DLC1: variants seen among roughly 807,000 people sequenced by gnomAD.
DLC1 encodes the protein rho GTPase-activating protein 7.
Under a neutral mutation model 140.3 loss-of-function variants are expected in DLC1, and 54 were observed. That is an observed-to-expected ratio of 0.38 (90% confidence interval 0.31 to 0.48). DLC1 has a LOEUF of 0.48. Among genes scored for constraint, DLC1 ranks in the 20% least tolerant of loss-of-function variants. The pLI is 0.96. For missense variants in DLC1, 2,536 were observed against 1,907.0 expected (o/e 1.33, Z -6.14); for synonymous variants, 986 against 728.1 (o/e 1.35, Z -5.70).
At chr8:13,390,091 A>C (rs1836683871) in intron 4 of DLC1, among the ~76,000 whole-genome samples, 1 of 152,176 alleles carries the variant, frequency 6.6e-6, no homozygotes, top group Non-Finnish European at 1.5e-5. Context: ...AATCTCTCAT[A>C]GACAAAATTC....
At chr8:13,096,900 A>G (rs1386212170) in intron 10 of DLC1, among the ~76,000 whole-genome samples, 1 of 152,204 alleles carries the variant, frequency 6.6e-6, no homozygotes, top group African/African-American at 2.4e-5. Flanking sequence ...TACTGAAAAG[A>G]CTTAAGGATT....
Position 13,221,422 on chromosome 8 carries a change from G to A in DLC1, c.1348+83847C>T, listed in dbSNP as rs2117157342. The stretch of plus-strand genomic sequence containing the variant: ...GCCTTGCTCTGTCACCCAGGCTGGA[G>A]TGCAGTGGTGCAATCTCAGCTCACT... On this transcript the variant is annotated intron_variant, in intron 5 of 17. Transcript: ENST00000276297. Among the ~76,000 whole-genome samples the A allele has an allele frequency of 1.3e-5, 2 of 150,928 alleles. 1 individual carries two copies. The highest frequency in any genetic ancestry group is 4.2e-4 in the South Asian group (2 of 4,774).
chr8:13,403,562 C>T (rs951939760), intron 2 of DLC1, among the ~76,000 whole-genome samples: 1 of 152,230 alleles, frequency 6.6e-6, no homozygotes, highest in Middle Eastern at 3.4e-3. Flanking sequence ...TAACGGAGGC[C>T]TCTGTCAAGA....
intron 4 of DLC1, among the ~76,000 whole-genome samples, chr8:13,314,437 C>G (rs887767358): frequency 4.6e-5 from 7 of 151,522 alleles, no homozygotes; most frequent in Non-Finnish European, 8.8e-5. Flanking sequence ...AGCTAAGAAA[C>G]AAAACAACAT....
intron 4 of DLC1, among the ~76,000 whole-genome samples, chr8:13,316,620 A>T (rs564149831): frequency 4.6e-5 from 7 of 152,172 alleles, no homozygotes; most frequent in Non-Finnish European, 8.8e-5. Context: ...AGGTTGGATT[A>T]TCTAATCCTC....
intron 1 of DLC1, among the ~76,000 whole-genome samples, chr8:13,602,470 A>G (rs900806790): frequency 2.6e-5 from 4 of 151,818 alleles, no homozygotes; most frequent in East Asian, 3.9e-4. Context: ...TTGGAGATGT[A>G]TACAATATCG....
At chr8:13,284,246 G>T (rs1277681601) in intron 5 of DLC1, among the ~76,000 whole-genome samples, 1 of 152,222 alleles carries the variant, frequency 6.6e-6, no homozygotes, top group Non-Finnish European at 1.5e-5. Flanking sequence ...TAAGATAACG[G>T]CCTGGCGCGG....
chr8:13,200,731 A>T (rs1485928249), intron 5 of DLC1, among the ~76,000 whole-genome samples: 4 of 151,988 alleles, frequency 2.6e-5, no homozygotes, highest in Non-Finnish European at 1.5e-5. Flanking sequence ...CAGCCTCCTG[A>T]GTAGGTGGGA....
chr8:13,582,565 T>G (rs763602159), intron 1 of DLC1, among the ~76,000 whole-genome samples: 15 of 152,086 alleles, frequency 9.9e-5, no homozygotes, highest in Non-Finnish European at 2.2e-4. Flanking sequence ...TTCCTACCCT[T>G]GAACATCAGA....
At chr8:13,189,125 A>T (rs567745629) in intron 5 of DLC1, among the ~76,000 whole-genome samples, 18 of 152,088 alleles carry the variant, frequency 1.2e-4, no homozygotes, top group African/African-American at 3.9e-4. Flanking sequence ...GTTTTTCATG[A>T]TAAAATAATT....
intron 7 of DLC1, among the ~76,000 whole-genome samples, chr8:13,104,361 A>C (rs1452109107): frequency 1.3e-5 from 2 of 151,888 alleles, no homozygotes; most frequent in African/African-American, 2.4e-5. Flanking sequence ...AAAAAAAAAA[A>C]AAACCCAAAA....
In DLC1 at chr8:13,278,135, C is replaced by T. The variant is rs183404600; in HGVS notation, c.1348+27134G>A. On this transcript the variant is annotated intron_variant, in intron 5 of 17. Coordinates refer to ENST00000276297, the MANE Select transcript of DLC1 (RefSeq NM_182643.3). Reference sequence around the variant, plus strand: ...TGTACTTCATGGTAGATATCCACGTCTTTGCCTTATCATTGGACTGGACAC... The same window carrying T: ...TGTACTTCATGGTAGATATCCACGTTTTTGCCTTATCATTGGACTGGACAC... Among the ~76,000 whole-genome samples the T allele has an allele frequency of 2.2e-3, 338 of 152,354 alleles. 3 individuals carry two copies. Among genetic ancestry groups the T allele is most frequent in the African/African-American group, 7.6e-3 (314 of 41,580 alleles).
intron 5 of DLC1, among the ~76,000 whole-genome samples, chr8:13,172,506 A>T (rs999240159): frequency 1.3e-5 from 2 of 152,226 alleles, no homozygotes; most frequent in African/African-American, 4.8e-5. Flanking sequence ...CAAGGCTTGG[A>T]ACATAGCAAC....
chr8:13,360,079 C>T (rs1450336396), intron 4 of DLC1, among the ~76,000 whole-genome samples: 1 of 152,150 alleles, frequency 6.6e-6, no homozygotes, highest in Non-Finnish European at 1.5e-5. Flanking sequence ...TGCCTATCCC[C>T]ACAGGAGACA....
At chr8:13,385,582 G>A (rs893676752) in intron 4 of DLC1, among the ~76,000 whole-genome samples, 3 of 152,200 alleles carry the variant, frequency 2.0e-5, no homozygotes, top group Admixed American at 2.0e-4. Context: ...AGGATACAGA[G>A]TAAACAATTC....
In DLC1 at chr8:13,312,381, A is replaced by AT. The variant is rs1367189892; in HGVS notation, c.1315-7080_1315-7079insA. On this transcript the variant is annotated intron_variant, in intron 4 of 17. Coordinates refer to ENST00000276297, the MANE Select transcript of DLC1 (RefSeq NM_182643.3). ...GTCTCAAAAAAAAAAAAAAAAAAAA[A>AT]AAAAAAATAATTTCTTTAGCAAGCT... Among the ~76,000 whole-genome samples, 16 of 117,200 alleles carry AT rather than the reference A, an allele frequency of 1.4e-4. 1 individual carries two copies. The highest frequency in any genetic ancestry group is 4.5e-4 in the African/African-American group (13 of 29,016). 76.9% of individuals were successfully genotyped at this position (117,200 alleles called of 152,430 possible).
rs150090193 is a variant in DLC1 at position 13,499,807 on chromosome 8, C to T, written c.265G>A (p.Asp89Asn). Residue 89 changes from aspartate (D) to asparagine (N), a missense_variant, in exon 2 of 18, where the codon GAC becomes AAC. Asp to Asn is a conservative substitution (Grantham distance 23). Coordinates refer to ENST00000276297, the MANE Select transcript of DLC1 (RefSeq NM_182643.3). ...AACTGATCTTCACCTTCATGGCTGT[C>T]ATTTTCGTCCACATCCTTTGAAAGA... ...GHLSKDVDEN[D>N]SHEGEDQFLS... 698 of 1,614,074 alleles carry T rather than the reference C, an allele frequency of 4.3e-4. No homozygotes were observed. Among genetic ancestry groups the T allele is most frequent in the Admixed American group, 1.1e-3 (65 of 60,026 alleles).
At chr8:13,530,489 T>C (rs975571344) in intron 1 of DLC1, among the ~76,000 whole-genome samples, 3 of 152,202 alleles carry the variant, frequency 2.0e-5, no homozygotes, top group African/African-American at 7.2e-5. Context: ...CTGTGTTTCT[T>C]GGCTTTGCTG....
Position 13,405,897 on chromosome 8 carries a change from C to G in DLC1, c.1024-4278G>C, listed in dbSNP as rs183287882. On this transcript the variant is annotated intron_variant, in intron 2 of 17. Transcript: ENST00000276297. Reference sequence around the variant, plus strand: ...CTTTTTTCTTTTCTTTTCTTTCTTTCTTTTTCTTTCTTTCTTTTCTTTTCT... The same window carrying G: ...CTTTTTTCTTTTCTTTTCTTTCTTTGTTTTTCTTTCTTTCTTTTCTTTTCT... Among the ~76,000 whole-genome samples, 5 of 97,432 alleles carry G rather than the reference C, an allele frequency of 5.1e-5. No individual in the cohort carries two copies. In the Admixed American group the frequency reaches 5.6e-4, roughly 11 times the overall value. The allele number at this position is 97,432 out of a possible 152,430, so 63.9% of individuals were successfully genotyped here.
Sources: allele counts gnomAD v4.1 joint callset (sites outside exome capture counted in the v4.1 genomes callset), GRCh38; gene constraint gnomAD v4.1.1; transcripts MANE v1.5; gene names NCBI Gene and HGNC (gene_info 2026-07-23, HGNC 2026-07-21).